Variants in GPR151 observed in about 807,000 individuals in gnomAD.
The protein encoded by GPR151 is G-protein coupled receptor PGR7.
In GPR151, 16 loss-of-function variants were observed where a neutral mutation model predicts 18.2. The observed-to-expected ratio is 0.88, with a 90% CI of 0.60 to 1.34. The LOEUF is 1.34. Ranked by LOEUF, GPR151 falls within the 40% of genes most tolerant of loss-of-function variation. GPR151 has a pLI of 0.00. For synonymous variants in GPR151, 202 were observed against 191.2 expected (o/e 1.06, Z -0.47); for missense variants, 509 against 504.3 (o/e 1.01, Z -0.09).
rs569913894 is a variant in GPR151, at chr5:146,515,895, G to A, written c.219C>T (p.Ile73=). ...HNAWKGKPSM[I]HSLILNLSLA... Reference sequence around the variant, plus strand: ...GGCTGAGATTCAGAATCAGGGAGTGGATCATGGATGGCTTTCCTTTCCAAG... The same window carrying A: ...GGCTGAGATTCAGAATCAGGGAGTGAATCATGGATGGCTTTCCTTTCCAAG... Residue 73 remains isoleucine (I), a synonymous_variant, in exon 1 of 1, where the codon ATC becomes ATT. Transcript: ENST00000311104. The A allele has an allele frequency of 4.3e-6, 7 of 1,614,192 alleles. No individual in the cohort carries two copies. In the Admixed American group the frequency reaches 1.2e-4, roughly 27 times the overall value.
Position 146,515,027 on chromosome 5 carries a change from C to G in GPR151, c.1087G>C (p.Glu363Gln). The stretch of plus-strand genomic sequence containing the variant: ...CCAGAGGAGGGAGAGCTGGGTTTCT[C>G]TTTTTCTGGTATGGATGCTGGGGAT... ...PESPASIPEK[E>Q]KPSSPSSGKG... is the part of the protein sequence containing the mutation. Residue 363 changes from glutamate to glutamine, a missense_variant, in exon 1 of 1, where the codon GAG becomes CAG. By Grantham distance (29) the Glu-to-Gln change is conservative. Transcript: ENST00000311104. The G allele has an allele frequency of 6.2e-7, 1 of 1,614,148 alleles. No homozygotes were observed. The highest frequency in any genetic ancestry group is 8.5e-7 in the Non-Finnish European group (1 of 1,180,026).
At position 146,515,344 on chromosome 5, in the gene GPR151, A is replaced by T. The variant is rs1768591502; in HGVS notation, c.770T>A (p.Ile257Asn). The change falls in exon 1 of 1, where the codon ATC (isoleucine) becomes AAC (asparagine). Residue 257 changes from isoleucine to asparagine, a missense_variant. Coordinates refer to ENST00000311104, the MANE Select transcript of GPR151 (RefSeq NM_194251.3). Reference protein sequence around the residue: ...QVTVMLLSIAIISALLWLPEW... With the variant: ...QVTVMLLSIANISALLWLPEW... ...GGGGAGCCACAAGAGAGCAGAGATGATGGCAATGCTCAGCAGCATCACTGT... is the reference window on the plus strand; with the variant it reads ...GGGGAGCCACAAGAGAGCAGAGATGTTGGCAATGCTCAGCAGCATCACTGT... 1.2e-6 allele frequency: 2 copies of T among 1,614,078 alleles called. No homozygotes were observed. Among genetic ancestry groups the T allele is most frequent in the African/African-American group, 1.3e-5 (1 of 74,930 alleles).
In GPR151 at chr5:146,514,872, T is replaced by C; in HGVS notation, c.1242A>G (p.Thr414=). Residue 414 remains threonine (T), a synonymous_variant, in exon 1 of 1, where the codon ACA becomes ACG. Transcript: ENST00000311104. Reference sequence around the variant, plus strand: ...CTTAAATCTATTTAACACCTTCCCCTGTCTCTTGATCTTCATGTTCCCAGG... The same window carrying C: ...CTTAAATCTATTTAACACCTTCCCCCGTCTCTTGATCTTCATGTTCCCAGG... The part of the protein sequence containing the change: ...PIPWEHEDQE[T]GEGVK 6.3e-7 allele frequency: 1 copy of C among 1,587,992 alleles called. No homozygotes were observed.
In GPR151 at chr5:146,515,086, G is replaced by C; in HGVS notation, c.1028C>G (p.Ser343Ter). ...SESQETPAGN[S>*]EGLPDKVPSP... is the part of the protein sequence containing the mutation. Reference sequence around the variant, plus strand: ...TGGAACCTTGTCAGGAAGACCCTCTGAGTTGCCAGCTGGTGTTTCCTGAGA... The same window carrying C: ...TGGAACCTTGTCAGGAAGACCCTCTCAGTTGCCAGCTGGTGTTTCCTGAGA... Residue 343 changes from serine (S) to a stop codon, truncating the protein, a stop_gained, in exon 1 of 1, where the codon TCA becomes TGA. Coordinates refer to ENST00000311104, the MANE Select transcript of GPR151 (RefSeq NM_194251.3). LOFTEE classifies it low-confidence loss of function (END_TRUNC). The C allele has an allele frequency of 6.2e-7, 1 of 1,614,164 alleles. No homozygotes were observed. Among genetic ancestry groups the C allele is most frequent in the East Asian group, 2.2e-5 (1 of 44,882 alleles).
chr5:146,516,118 C>T lies in GPR151; in HGVS notation c.-5G>A. On this transcript the variant is annotated 5_prime_UTR_variant, in exon 1 of 1. Transcript: ENST00000311104. ...TGCAAAGGCAGCTGCCAGCATCACTCTTCACAGCTTCTTACAGAAGTTAGA... is the reference window on the plus strand; with the variant it reads ...TGCAAAGGCAGCTGCCAGCATCACTTTTCACAGCTTCTTACAGAAGTTAGA... 6.3e-7 allele frequency: 1 copy of T among 1,596,118 alleles called. No homozygotes were observed. The highest frequency in any genetic ancestry group is 8.5e-7 in the Non-Finnish European group (1 of 1,172,630).
chr5:146,515,621 CCA>C lies in GPR151; in HGVS notation c.491_492del (p.Val164GlyfsTer2). The C allele has an allele frequency of 6.2e-7, 1 of 1,614,140 alleles. No individual in the cohort carries two copies. Among genetic ancestry groups the C allele is most frequent in the Non-Finnish European group, 8.5e-7 (1 of 1,180,018 alleles). Reference protein sequence around the residue: ...IWSVLVAIWTVASLLPLPEWF... With the variant: ...IWSVLVAIWTXASLLPLPEWF... The stretch of plus-strand genomic sequence containing the variant: ...CATTCCGGCAGGGGTAACAGGCTAG[CCA>C]CAGTCCAGATGGCCACCAGCACTGA... On this transcript the variant is annotated frameshift_variant, in exon 1 of 1. Transcript: ENST00000311104. LOFTEE classifies it high-confidence loss of function.
In GPR151 at chr5:146,513,467, A is replaced by T. The variant is rs997568852; in HGVS notation, c.*1387T>A. 2.5e-4 allele frequency: 38 copies of T among 152,284 alleles called. No individual in the cohort carries two copies. Among genetic ancestry groups the T allele is most frequent in the African/African-American group, 9.1e-4 (38 of 41,550 alleles). The allele number at this position is 152,284 out of a possible 1,614,324, so 9.4% of individuals were successfully genotyped here. On this transcript the variant is annotated 3_prime_UTR_variant, in exon 1 of 1. Transcript: ENST00000311104. ...TTTTTTTCCATAACATATCCTTTAT[A>T]TTTCAGATTCTCCATGGCTTGGTTT...
At position 146,514,957 on chromosome 5, in the gene GPR151, A is replaced by G. The variant is rs1345752051; in HGVS notation, c.1157T>C (p.Val386Ala). 3 of 1,614,130 alleles carry G rather than the reference A, an allele frequency of 1.9e-6. No homozygotes were observed. The highest frequency in any genetic ancestry group is 1.3e-5 in the African/African-American group (1 of 75,056). ...GTCCCTCTCATGCCAAAACTGCTCT[A>G]CGTCAGGAAGGATGGGAATCTCTGC... ...EKAEIPILPD[V>A]EQFWHERDTV... Residue 386 changes from valine (V) to alanine (A), a missense_variant, in exon 1 of 1, where the codon GTA (valine) becomes GCA (alanine). By Grantham distance (64) the Val-to-Ala change is moderately conservative. Coordinates refer to ENST00000311104, the MANE Select transcript of GPR151 (RefSeq NM_194251.3).
rs1447373761 is a variant in GPR151 at position 146,515,779 on chromosome 5, TTGCAGAC to T, written c.328_334del (p.Val110SerfsTer16). On this transcript the variant is annotated frameshift_variant, in exon 1 of 1. Transcript: ENST00000311104. LOFTEE classifies it high-confidence loss of function. ...TGTGTGGATAAACCAGTCAGAGGAC[TTGCAGAC>T]AAACCAGCCTAGATCCCAAACACTT... is the stretch of plus-strand genomic sequence containing the variant. 3 of 1,614,180 alleles carry T rather than the reference TTGCAGAC, an allele frequency of 1.9e-6. No homozygotes were observed. The South Asian group carries it at 3.3e-5, about 18-fold the overall frequency.
Position 146,516,152 on chromosome 5 carries a change from T to A in GPR151, c.-39A>T, listed in dbSNP as rs1331992568. The A allele has an allele frequency of 1.9e-6, 3 of 1,553,240 alleles. No homozygotes were observed. Among genetic ancestry groups the A allele is most frequent in the Admixed American group, 3.9e-5 (2 of 50,728 alleles). On this transcript the variant is annotated 5_prime_UTR_variant, in exon 1 of 1. Transcript: ENST00000311104. ...TTCTTACAGAAGTTAGATTCTTATT[T>A]AGGTTTGTCTTTCTGCCTGGGCTCT...
rs767377105 is a variant in GPR151 at position 146,515,513 on chromosome 5, T to G, written c.601A>C (p.Met201Leu). 6.2e-7 allele frequency: 1 copy of G among 1,614,106 alleles called. No homozygotes were observed. The highest frequency in any genetic ancestry group is 2.2e-5 in the East Asian group (1 of 44,882). The change falls in exon 1 of 1, where the codon ATG becomes CTG. Residue 201 changes from methionine to leucine, a missense_variant. By Grantham distance (15) the Met-to-Leu change is conservative. Coordinates refer to ENST00000311104, the MANE Select transcript of GPR151 (RefSeq NM_194251.3). ...VPAVAEEFMS[M>L]FGKLYPLLAF... ...AGGAGTGGGTAGAGCTTACCAAACA[T>G]CGACATAAACTCTTCAGCCACAGCT...
At position 146,513,710 on chromosome 5, in the gene GPR151, G is replaced by A. The variant is rs911623952; in HGVS notation, c.*1144C>T. ...GTATGTCTGGGTACACAGTTTTACT[G>A]CTTTCTGCATTGCCCTTATGCTTTT... On this transcript the variant is annotated 3_prime_UTR_variant, in exon 1 of 1. Transcript: ENST00000311104. 1 of 152,174 alleles carries A rather than the reference G, an allele frequency of 6.6e-6. No homozygotes were observed. The highest frequency in any genetic ancestry group is 2.4e-5 in the African/African-American group (1 of 41,434). 9.4% of individuals were successfully genotyped at this position (152,174 alleles called of 1,614,324 possible). A position where few individuals can be genotyped will look rare whatever the true frequency, so the allele number is the denominator to read the frequency against.
In GPR151 at chr5:146,515,049, G is replaced by C. The variant is rs781418182; in HGVS notation, c.1065C>G (p.Ser355=). 2 of 1,614,020 alleles carry C rather than the reference G, an allele frequency of 1.2e-6. No homozygotes were observed. The highest frequency in any genetic ancestry group is 2.7e-5 in the African/African-American group (2 of 74,900). ...TCTCTTTTTCTGGTATGGATGCTGG[G>C]GATTCTGGAGATGGAACCTTGTCAG... ...GLPDKVPSPE[S]PASIPEKEKP... is the part of the protein sequence containing the mutation. Residue 355 remains serine, a synonymous_variant, in exon 1 of 1, where the codon TCC becomes TCG. Transcript: ENST00000311104.
chr5:146,514,611 G>A lies in GPR151; in HGVS notation c.*243C>T. On this transcript the variant is annotated 3_prime_UTR_variant, in exon 1 of 1. Coordinates refer to ENST00000311104, the MANE Select transcript of GPR151 (RefSeq NM_194251.3). ...AATAGCCAGGCTGTCTAATCACTTT[G>A]ACAGCAACATCTTTACACAACACTT... 1 of 435,716 alleles carries A rather than the reference G, an allele frequency of 2.3e-6. No individual in the cohort carries two copies. The highest frequency in any genetic ancestry group is 3.8e-5 in the East Asian group (1 of 26,634). The allele number at this position is 435,716 out of a possible 1,614,324, so 27.0% of individuals were successfully genotyped here. A position where few individuals can be genotyped will look rare whatever the true frequency, so the allele number is the denominator to read the frequency against.
In GPR151 at chr5:146,515,021, G is replaced by A. The variant is rs763505835; in HGVS notation, c.1093C>T (p.Pro365Ser). 1.4e-5 allele frequency: 22 copies of A among 1,614,050 alleles called. No homozygotes were observed. The highest frequency in any genetic ancestry group is 1.7e-5 in the Admixed American group (1 of 60,000). The change falls in exon 1 of 1, where the codon CCC becomes TCC. Residue 365 changes from proline (P) to serine (S), a missense_variant. Pro to Ser is a moderately conservative substitution (Grantham distance 74). Coordinates refer to ENST00000311104, the MANE Select transcript of GPR151 (RefSeq NM_194251.3). ...CCTTTGCCAGAGGAGGGAGAGCTGG[G>A]TTTCTCTTTTTCTGGTATGGATGCT... ...SPASIPEKEK[P>S]SSPSSGKGKT... is the part of the protein sequence containing the mutation.
Position 146,515,472 on chromosome 5 carries a change from T to G in GPR151, c.642A>C (p.Pro214=). The change falls in exon 1 of 1, where the codon CCA becomes CCC. Residue 214 remains proline (P), a synonymous_variant. Transcript: ENST00000311104. ...AGAAATAAAAGCTGGCAAAAAATAA[T>G]GGAAGGCCAAATGCCAGGAGTGGGT... ...KLYPLLAFGL[P]LFFASFYFWR... 1.1e-5 allele frequency: 18 copies of G among 1,614,110 alleles called. No individual in the cohort carries two copies. The highest frequency in any genetic ancestry group is 1.5e-5 in the Non-Finnish European group (18 of 1,180,004).
Position 146,515,418 on chromosome 5 carries a change from T to G in GPR151, c.696A>C (p.Arg232=). The change falls in exon 1 of 1, where the codon CGA becomes CGC. Residue 232 remains arginine (R), a synonymous_variant. Transcript: ENST00000311104. ...TTCTAAGATTTTGAGTCTTAGTTCC[T>G]CGTTTTTTACATTGGTCATAAGCTC... is the stretch of plus-strand genomic sequence containing the variant. ...FWRAYDQCKK[R]GTKTQNLRNQ... 6.2e-7 allele frequency: 1 copy of G among 1,614,168 alleles called. No homozygotes were observed. The highest frequency in any genetic ancestry group is 8.5e-7 in the Non-Finnish European group (1 of 1,180,022).
Position 146,515,113 on chromosome 5 carries a change from T to A in GPR151, c.1001A>T (p.Glu334Val). 6.2e-7 allele frequency: 1 copy of A among 1,614,206 alleles called. No homozygotes were observed. The highest frequency in any genetic ancestry group is 8.5e-7 in the Non-Finnish European group (1 of 1,180,020). Reference sequence around the variant, plus strand: ...GTTGCCAGCTGGTGTTTCCTGAGACTCTGAGACAGTTGGAGGTTTTTTGGT... The same window carrying A: ...GTTGCCAGCTGGTGTTTCCTGAGACACTGAGACAGTTGGAGGTTTTTTGGT... ...MITKKPPTVS[E>V]SQETPAGNSE... Residue 334 changes from glutamate (E) to valine (V), a missense_variant, in exon 1 of 1, where the codon GAG becomes GTG. Physicochemically the swap from Glu to Val is moderately radical, Grantham distance 121. Transcript: ENST00000311104.
rs1261921069 is a variant in GPR151, at chr5:146,514,769, A to G, written c.*85T>C. 1.2e-6 allele frequency: 1 copy of G among 836,722 alleles called. No homozygotes were observed. The highest frequency in any genetic ancestry group is 1.7e-5 in the African/African-American group (1 of 57,940). 51.8% of individuals were successfully genotyped at this position (836,722 alleles called of 1,614,324 possible). On this transcript the variant is annotated 3_prime_UTR_variant, in exon 1 of 1. Coordinates refer to ENST00000311104, the MANE Select transcript of GPR151 (RefSeq NM_194251.3). ...TATAATTCCTAATGGTAATAATTAT[A>G]TCAGTTTGTAAAGTCAGCAATATTG...
Sources: allele counts gnomAD v4.1 joint callset, GRCh38; gene constraint gnomAD v4.1.1; transcripts MANE v1.5; gene names NCBI Gene and HGNC (gene_info 2026-07-23, HGNC 2026-07-21).